Variants in C5orf24 observed in about 807,000 individuals in gnomAD.
C5orf24 encodes chromosome 5 open reading frame 24.
A neutral mutation model predicts 9.8 loss-of-function variants in C5orf24; 4 were observed. The ratio of observed to expected loss-of-function variants is 0.41; its 90% CI spans 0.20 to 0.93. C5orf24 has a LOEUF of 0.93. Ranked by LOEUF, C5orf24 falls within the 40% of genes least tolerant of loss-of-function variation. The pLI is 0.33. For synonymous variants in C5orf24, 73 were observed against 81.3 expected (o/e 0.90, Z 0.55); for missense variants, 170 against 236.9 (o/e 0.72, Z 1.85).
upstream of C5orf24, chr5:134,845,835 G>A (rs1186014215): frequency 6.6e-6 from 1 of 152,312 alleles, no homozygotes; most frequent in Non-Finnish European, 1.5e-5. Flanking sequence ...TTAAGGCCAC[G>A]ACGCGCAAGC....
In C5orf24 at chr5:134,857,296, C is replaced by T; in HGVS notation, c.*1829C>T. 2 of 1,486,282 alleles carry T rather than the reference C, an allele frequency of 1.3e-6. No homozygotes were observed. Among genetic ancestry groups the T allele is most frequent in the Admixed American group, 2.2e-5 (1 of 45,810 alleles). 92.1% of individuals were successfully genotyped at this position (1,486,282 alleles called of 1,614,324 possible). A position where few individuals can be genotyped will look rare whatever the true frequency, so the allele number is the denominator to read the frequency against. On this transcript the variant is annotated 3_prime_UTR_variant, in exon 2 of 2. Transcript: ENST00000394976. ...AAGAGCACATGTTGTGTTTTTTGGG[C>T]TTGCTATTAATGCAAACTCTGATTG... is the stretch of plus-strand genomic sequence containing the variant.
At chr5:134,853,468 A>G (rs1001989695) in intron 1 of C5orf24, among the ~76,000 whole-genome samples, 1 of 150,976 alleles carries the variant, frequency 6.6e-6, no homozygotes, top group Non-Finnish European at 1.5e-5. Flanking sequence ...TATAAAAAAA[A>G]AAAATCACAG....
At position 134,846,033 on chromosome 5, in the gene C5orf24, GGCGGGT is replaced by G. The variant is rs1755981590; in HGVS notation, c.-180_-175del. ...GGGCAGGACCGTGCGCGGCGGCCGC[GGCGGGT>G]GCTGGGAGCCAGCGCCTGCCTCGCC... is the stretch of plus-strand genomic sequence containing the variant. On this transcript the variant is annotated 5_prime_UTR_variant, in exon 1 of 2. Transcript: ENST00000394976. 6.6e-6 allele frequency: 1 copy of G among 152,336 alleles called. No homozygotes were observed. The highest frequency in any genetic ancestry group is 2.1e-4 in the South Asian group (1 of 4,838). The allele number at this position is 152,336 out of a possible 1,614,324, so 9.4% of individuals were successfully genotyped here.
the C5orf24 span, among the ~76,000 whole-genome samples, chr5:134,837,048 A>T: frequency 6.6e-6 from 1 of 151,864 alleles, no homozygotes; most frequent in Non-Finnish European, 1.5e-5. Context: ...ATCTCAGCTC[A>T]CTGCAACCTC....
chr5:134,859,057 T>C lies in C5orf24; in HGVS notation c.*3590T>C, dbSNP rs563074442. On this transcript the variant is annotated 3_prime_UTR_variant, in exon 2 of 2. Transcript: ENST00000394976. ...GTGGGTCCATTTATTAGGTTAAAGT[T>C]GACCCATTCAGTGTAAAAATAACCA... The C allele has an allele frequency of 1.2e-5, 2 of 167,006 alleles. No individual in the cohort carries two copies. Among genetic ancestry groups the C allele is most frequent in the East Asian group, 1.9e-4 (1 of 5,188 alleles). The allele number at this position is 167,006 out of a possible 1,614,324, so 10.3% of individuals were successfully genotyped here.
chr5:134,840,319 A>AG, the C5orf24 span, among the ~76,000 whole-genome samples: 1 of 151,478 alleles, frequency 6.6e-6, no homozygotes, highest in Non-Finnish European at 1.5e-5. Flanking sequence ...AAAAAAAAAA[A>AG]AAAAAAAAGA....
chr5:134,850,444 G>T (rs933580549), intron 1 of C5orf24, among the ~76,000 whole-genome samples: 1 of 151,274 alleles, frequency 6.6e-6, no homozygotes, highest in African/African-American at 2.4e-5. Context: ...ACCATGGCTG[G>T]CCAAGATGCA....
At chr5:134,839,211 A>AC in the C5orf24 span, among the ~76,000 whole-genome samples, 1 of 152,000 alleles carries the variant, frequency 6.6e-6, no homozygotes. Flanking sequence ...AAAAAAAAAA[A>AC]AAAACCCAAT....
intron 1 of C5orf24, among the ~76,000 whole-genome samples, chr5:134,853,514 T>A (rs1185401828): frequency 6.8e-6 from 1 of 146,404 alleles, no homozygotes; most frequent in Non-Finnish European, 1.5e-5. Context: ...ACTTTGGACC[T>A]TCTTCTTCTT....
rs915254583 is a variant in C5orf24, at chr5:134,846,033, G to A, written c.-183G>A. 1 of 152,336 alleles carries A rather than the reference G, an allele frequency of 6.6e-6. No individual in the cohort carries two copies. The highest frequency in any genetic ancestry group is 1.5e-5 in the Non-Finnish European group (1 of 68,146). The allele number at this position is 152,336 out of a possible 1,614,324, so 9.4% of individuals were successfully genotyped here. A position where few individuals can be genotyped will look rare whatever the true frequency, so the allele number is the denominator to read the frequency against. On this transcript the variant is annotated 5_prime_UTR_variant, in exon 1 of 2. Transcript: ENST00000394976. ...GGGCAGGACCGTGCGCGGCGGCCGC[G>A]GCGGGTGCTGGGAGCCAGCGCCTGC...
chr5:134,853,357 A>G (rs957631369), intron 1 of C5orf24, among the ~76,000 whole-genome samples: 29 of 134,558 alleles, frequency 2.2e-4, no homozygotes, highest in South Asian at 1.7e-3. Flanking sequence ...GCGAAACTCC[A>G]CCTAAAAAAA....
In C5orf24 at chr5:134,855,986, T is replaced by C. The variant is rs1017678083; in HGVS notation, c.*519T>C. ...TGTATGCTTTGGCATTTACATCCAC[T>C]TCAAATGTTAAAAAACTTATTTTTA... On this transcript the variant is annotated 3_prime_UTR_variant, in exon 2 of 2. Transcript: ENST00000394976. 4 of 1,002,098 alleles carry C rather than the reference T, an allele frequency of 4.0e-6. No individual in the cohort carries two copies. The African/African-American group carries it at 7.0e-5, about 17-fold the overall frequency. 62.1% of individuals were successfully genotyped at this position (1,002,098 alleles called of 1,614,324 possible).
chr5:134,852,035 G>A (rs1287037845), intron 1 of C5orf24, among the ~76,000 whole-genome samples: 1 of 152,174 alleles, frequency 6.6e-6, no homozygotes, highest in Non-Finnish European at 1.5e-5. Context: ...CTGCCTCCCG[G>A]GTTCAACCAA....
At chr5:134,843,663 T>A (rs1755932577), upstream of C5orf24, among the ~76,000 whole-genome samples, 1 of 152,166 alleles carries the variant, frequency 6.6e-6, no homozygotes, top group Non-Finnish European at 1.5e-5. Flanking sequence ...TTCAAGCGAT[T>A]CTCTTGCCTC....
At position 134,857,518 on chromosome 5, in the gene C5orf24, A is replaced by C; in HGVS notation, c.*2051A>C. 1 of 1,269,910 alleles carries C rather than the reference A, an allele frequency of 7.9e-7. No homozygotes were observed. Among genetic ancestry groups the C allele is most frequent in the East Asian group, 2.9e-5 (1 of 34,502 alleles). The allele number at this position is 1,269,910 out of a possible 1,614,324, so 78.7% of individuals were successfully genotyped here. A position where few individuals can be genotyped will look rare whatever the true frequency, so the allele number is the denominator to read the frequency against. ...ACAATATTAGCTTTGCACAAACCAT[A>C]GAGAACGATGTTGGATGGTTACATA... is the stretch of plus-strand genomic sequence containing the variant. On this transcript the variant is annotated 3_prime_UTR_variant, in exon 2 of 2. Coordinates refer to ENST00000394976, the MANE Select transcript of C5orf24 (RefSeq NM_001135586.1).
chr5:134,859,215 G>T lies in C5orf24; in HGVS notation c.*3748G>T, dbSNP rs1756387285. The T allele has an allele frequency of 6.0e-6, 1 of 166,842 alleles. No homozygotes were observed. Among genetic ancestry groups the T allele is most frequent in the Non-Finnish European group, 1.5e-5 (1 of 68,048 alleles). The allele number at this position is 166,842 out of a possible 1,614,324, so 10.3% of individuals were successfully genotyped here. ...GTCTCTATATGCAGTAAAATTTTAT[G>T]GTCCCTTTATAGGAATATAAAGAAT... On this transcript the variant is annotated 3_prime_UTR_variant, in exon 2 of 2. Transcript: ENST00000394976.
chr5:134,854,936 C>G lies in C5orf24; in HGVS notation c.36C>G (p.Phe12Leu), dbSNP rs1403661803. The change falls in exon 2 of 2, where the codon TTC becomes TTG. Residue 12 changes from phenylalanine (F) to leucine (L), a missense_variant. Transcript: ENST00000394976. ...CTGTTGCCAGCAGTAATCCAGCTTT[C>G]TGTGGGCCTGGCAAGCCTTCCTGCC... ...MHPVASSNPA[F>L]CGPGKPSCLN... 1 of 1,614,044 alleles carries G rather than the reference C, an allele frequency of 6.2e-7. No individual in the cohort carries two copies. The highest frequency in any genetic ancestry group is 8.5e-7 in the Non-Finnish European group (1 of 1,180,018).
rs1199976330 is a variant in C5orf24, at chr5:134,850,747, G to A, written c.-3-4151G>A. Among the ~76,000 whole-genome samples the A allele has an allele frequency of 1.1e-4, 16 of 152,048 alleles. No individual in the cohort carries two copies. In the East Asian group the frequency reaches 2.9e-3, roughly 28 times the overall value. ...CTGCCTCAGCCTCCTGAAGTGCTGG[G>A]ATTAGAGGCATGAGTCACCATGCCC... On this transcript the variant is annotated intron_variant, in intron 1 of 1. Coordinates refer to ENST00000394976, the MANE Select transcript of C5orf24 (RefSeq NM_001135586.1).
chr5:134,852,962 A>G (rs1756198776), intron 1 of C5orf24, among the ~76,000 whole-genome samples: 1 of 152,228 alleles, frequency 6.6e-6, no homozygotes, highest in Admixed American at 6.5e-5. Context: ...TCAGGAGATC[A>G]AGACCATCCT....
Sources: allele counts gnomAD v4.1 joint callset (sites outside exome capture counted in the v4.1 genomes callset), GRCh38; gene constraint gnomAD v4.1.1; transcripts MANE v1.5; gene names NCBI Gene and HGNC (gene_info 2026-07-23, HGNC 2026-07-21).